The following AAAS variants were observed in gnomAD, a reference collection of about 807,000 sequenced individuals.
AAAS encodes the protein aladin.
Under a neutral mutation model 75.6 loss-of-function variants are expected in AAAS, and 60 were observed. That is an observed-to-expected ratio of 0.79 (90% CI 0.64 to 0.98). The LOEUF (loss-of-function observed/expected upper bound fraction) is 0.98. Ranked by LOEUF, AAAS falls within the 50% of genes least tolerant of loss-of-function variation. The probability of loss-of-function intolerance (pLI) is 0.00; values close to 1 mark genes in which losing one functional copy is unlikely to be tolerated. For missense variants in AAAS, 658 were observed against 686.9 expected (o/e 0.96, Z 0.47); for synonymous variants, 271 against 265.0 (o/e 1.02, Z -0.22).
At chr12:53,310,168 A>T (rs568815602) in intron 7 of AAAS, among the ~76,000 whole-genome samples, 1 of 152,150 alleles carries the variant, frequency 6.6e-6, no homozygotes, top group East Asian at 1.9e-4. Flanking sequence ...GTTATCTAAC[A>T]CTCCTCAGAA....
At chr12:53,314,681 C>A in intron 6 of AAAS, 70 bp downstream of exon 6, 1 of 1,519,708 alleles carries the variant, frequency 6.6e-7, no homozygotes, top group Non-Finnish European at 9.0e-7. Context: ...TACAGGACTC[C>A]CCGGAACCAA....
At chr12:53,314,649 C>G (rs1350906628) in intron 6 of AAAS, 102 bp downstream of exon 6, 1 of 1,374,002 alleles carries the variant, frequency 7.3e-7, no homozygotes, top group Non-Finnish European at 1.0e-6. Flanking sequence ...TGGAAGGAGC[C>G]CCATGAATCA....
chr12:53,313,458 G>A (rs184752782), intron 7 of AAAS, among the ~76,000 whole-genome samples: 12 of 151,412 alleles, frequency 7.9e-5, no homozygotes, highest in South Asian at 2.1e-4. Context: ...GAGCCACTGC[G>A]CCTGGCCTAA....
chr12:53,312,787 A>T (rs895833449), intron 7 of AAAS, among the ~76,000 whole-genome samples: 2 of 148,064 alleles, frequency 1.4e-5, no homozygotes, highest in African/African-American at 2.5e-5. Flanking sequence ...ACATACACGT[A>T]TATATATATA....
rs1277112373 is a variant in AAAS at position 53,307,851 on chromosome 12, G to C, written c.1410C>G (p.Leu470=). The C allele has an allele frequency of 6.2e-7, 1 of 1,614,214 alleles. No homozygotes were observed. The highest frequency in any genetic ancestry group is 8.5e-7 in the Non-Finnish European group (1 of 1,180,040). Residue 470 remains leucine, a synonymous_variant, in exon 15 of 16, where the codon CTC becomes CTG. Coordinates refer to ENST00000209873, the MANE Select transcript of AAAS (RefSeq NM_015665.6). ...FHPSFNKGAL[L]SVGWSTGRIA... ...AGCAGCCTGGCGCACTCACCACACT[G>C]AGCAGGGCCCCTTTGTTGAAGGAAG...
At chr12:53,319,339 G>A (rs11170501) in intron 2 of AAAS, among the ~76,000 whole-genome samples, 136,896 of 152,010 alleles carry the variant, frequency 0.9, 62,931 homozygotes, top group Non-Finnish European at 0.98. Context: ...AAAGGTGCAT[G>A]CCACCATACC....
intron 8 of AAAS, 131 bp downstream of exon 8, chr12:53,309,470 G>A (rs1565777992): frequency 8.4e-6 from 13 of 1,549,860 alleles, no homozygotes; most frequent in East Asian, 2.3e-5. Flanking sequence ...TGATGGCAAA[G>A]CTCCTCTCTG....
Position 53,308,731 on chromosome 12 carries a change from G to T in AAAS, c.1081C>A (p.Arg361Ser). 1 of 1,614,106 alleles carries T rather than the reference G, an allele frequency of 6.2e-7. No homozygotes were observed. Among genetic ancestry groups the T allele is most frequent in the Non-Finnish European group, 8.5e-7 (1 of 1,180,044 alleles). Reference sequence around the variant, plus strand: ...AAGTGTTGCCCTAACTCACCACAACGTTCTGGAAAAGACAGGGAGTAAATC... The same window carrying T: ...AAGTGTTGCCCTAACTCACCACAACTTTCTGGAAAAGACAGGGAGTAAATC... ...PLIYSLSFPE[R>S]CGEGKGCVGG... is the part of the protein sequence containing the mutation. The change falls in exon 11 of 16, where the codon CGT becomes AGT. Residue 361 changes from arginine to serine, a missense_variant. Arg to Ser is a moderately radical substitution (Grantham distance 110). Transcript: ENST00000209873.
At position 53,314,181 on chromosome 12, in the gene AAAS, T is replaced by C. The variant is rs181598144; in HGVS notation, c.689+117A>G. The C allele has an allele frequency of 9.1e-6, 13 of 1,427,164 alleles. No homozygotes were observed. The East Asian group carries it at 1.8e-4, about 20-fold the overall frequency. 88.4% of individuals were successfully genotyped at this position (1,427,164 alleles called of 1,614,324 possible). On this transcript the variant is annotated intron_variant, in intron 7 of 15. Transcript: ENST00000209873. ...CTTGATCTTACTTCTGCTTTTCCCA[T>C]AGCCCTGGGAAGTGCTGTGAGGACA... is the stretch of plus-strand genomic sequence containing the variant.
intron 15 of AAAS, 26 bp downstream of exon 15, chr12:53,307,819 A>G: frequency 6.2e-7 from 1 of 1,613,628 alleles, no homozygotes; most frequent in East Asian, 2.2e-5. Flanking sequence ...CAACTCCTGG[A>G]AGCCCCAGCA....
At chr12:53,320,454 G>A (rs1461415570) in intron 2 of AAAS, 111 bp downstream of exon 2, 5 of 1,459,392 alleles carry the variant, frequency 3.4e-6, no homozygotes, top group Admixed American at 3.4e-5. Flanking sequence ...CAGCTCTCGT[G>A]GAGACAGCCT....
At chr12:53,315,277 G>C (rs1944444655) in intron 4 of AAAS, 58 bp downstream of exon 4, 2 of 1,602,350 alleles carry the variant, frequency 1.2e-6, no homozygotes, top group African/African-American at 1.3e-5. Flanking sequence ...TAGGAATGAG[G>C]GCAGAGTAGG....
At chr12:53,312,570 A>AC (rs1361573920) in intron 7 of AAAS, among the ~76,000 whole-genome samples, 1 of 151,280 alleles carries the variant, frequency 6.6e-6, no homozygotes, top group Non-Finnish European at 1.5e-5. Context: ...CTTCTCAAAA[A>AC]AAAAAAAGAA....
intron 12 of AAAS, 22 bp downstream of exon 12, chr12:53,308,413 C>G (rs1400918650): frequency 6.2e-7 from 1 of 1,614,042 alleles, no homozygotes; most frequent in Non-Finnish European, 8.5e-7. Context: ...TTCACTGCCA[C>G]TCCCTCAACC....
intron 2 of AAAS, among the ~76,000 whole-genome samples, chr12:53,318,258 G>GTGTGTC (rs1944497201): frequency 6.8e-6 from 1 of 147,718 alleles, no homozygotes; most frequent in Non-Finnish European, 1.5e-5. Flanking sequence ...GTGTGTGTGT[G>GTGTGTC]TGTGTGTGTG....
At chr12:53,320,720 G>A (rs375985298) in intron 1 of AAAS, 28 bp from the exon 2 acceptor site, 46 of 1,612,876 alleles carry the variant, frequency 2.9e-5, no homozygotes, top group Middle Eastern at 3.3e-4. Context: ...GGAGTGTGAC[G>A]GTGATTCAGT....
At chr12:53,311,264 TA>T (rs1944385381) in intron 7 of AAAS, among the ~76,000 whole-genome samples, 3 of 152,228 alleles carry the variant, frequency 2.0e-5, no homozygotes, top group Admixed American at 6.5e-5. Flanking sequence ...TTCATTTATT[TA>T]AAAAAATTTT....
chr12:53,314,423 C>T lies in AAAS; in HGVS notation c.564G>A (p.Leu188=), dbSNP rs755526295. The change falls in exon 7 of 16, where the codon CTG becomes CTA. Residue 188 remains leucine, a synonymous_variant. Coordinates refer to ENST00000209873, the MANE Select transcript of AAAS (RefSeq NM_015665.6). The part of the protein sequence containing the change: ...YNASSTIVPS[L]KHRLQRNVAS... ...CCACATTTCGCTGCAGCCGGTGCTTCAGGGAGGGGACTATGGTGCTAGGGT... is the reference window on the plus strand; with the variant it reads ...CCACATTTCGCTGCAGCCGGTGCTTTAGGGAGGGGACTATGGTGCTAGGGT... 6.2e-7 allele frequency: 1 copy of T among 1,614,050 alleles called. No individual in the cohort carries two copies. The highest frequency in any genetic ancestry group is 2.2e-5 in the East Asian group (1 of 44,874).
At chr12:53,312,208 A>C (rs1190958232) in intron 7 of AAAS, among the ~76,000 whole-genome samples, 1 of 148,970 alleles carries the variant, frequency 6.7e-6, no homozygotes, top group Non-Finnish European at 1.5e-5. Context: ...CAAAAGTGGA[A>C]CTCCATCTCA....
Sources: gnomAD v4.1 joint callset for allele counts (sites outside exome capture counted in the v4.1 genomes callset) on GRCh38, gnomAD v4.1.1 for gene constraint, MANE v1.5 for transcripts, NCBI Gene and HGNC (gene_info 2026-07-23, HGNC 2026-07-21) for gene names.